The following INTS6 variants were observed in gnomAD, a reference collection of about 807,000 sequenced individuals.
The protein encoded by INTS6 is integrator complex subunit 6.
In INTS6, 16 loss-of-function variants were observed where a neutral mutation model predicts 104.9. The observed-to-expected ratio is 0.15, with a 90% CI of 0.10 to 0.23. The LOEUF (loss-of-function observed/expected upper bound fraction) is 0.23, where lower values mean the gene tolerates loss of function less well. INTS6 is among the 10% of genes least tolerant of loss of function. INTS6 has a pLI of 1.00. For synonymous variants in INTS6, 324 were observed against 358.7 expected, an observed-to-expected ratio of 0.90 and a Z score of 1.09; for missense variants, 584 against 1,062.8, an observed-to-expected ratio of 0.55 and a Z score of 6.26.
chr13:51,417,028 A>G (rs534979857), intron 4 of INTS6, among the ~76,000 whole-genome samples: 8 of 152,288 alleles, frequency 5.3e-5, no homozygotes, highest in Admixed American at 1.3e-4. Flanking sequence ...TCTTCTCTGG[A>G]GAAATGTCTA....
At chr13:51,447,761 A>C (rs1952949626) in intron 3 of INTS6, 1 of 149,860 alleles carries the variant, frequency 6.7e-6, no homozygotes, top group Non-Finnish European at 1.5e-5. Context: ...AAAAAAAGAC[A>C]ATGTTGAAAA....
intron 4 of INTS6, among the ~76,000 whole-genome samples, chr13:51,409,310 ATAATAG>A (rs1389558350): frequency 7.7e-6 from 1 of 130,262 alleles, no homozygotes; most frequent in African/African-American, 2.9e-5. Context: ...AATAATAATA[ATAATAG>A]TATAACTTCA....
chr13:51,426,978 C>T (rs1956996030), intron 4 of INTS6, among the ~76,000 whole-genome samples: 1 of 152,092 alleles, frequency 6.6e-6, no homozygotes, highest in Non-Finnish European at 1.5e-5. Context: ...CTCCCTGGAT[C>T]TCAATTTTCT....
the INTS6 span, among the ~76,000 whole-genome samples, chr13:51,348,984 A>G: frequency 1.3e-5 from 2 of 152,258 alleles, no homozygotes; most frequent in African/African-American, 4.8e-5. Flanking sequence ...AGGTACAAAT[A>G]CAAATCAAAA....
intron 7 of INTS6, chr13:51,384,655 C>T (rs755304903): frequency 1.3e-4 from 60 of 456,502 alleles, no homozygotes; most frequent in Non-Finnish European, 2.5e-4. Context: ...AAAACCTAGC[C>T]GTTATTCTTG....
At chr13:51,449,536 G>A in intron 3 of INTS6, 1 of 984,876 alleles carries the variant, frequency 1.0e-6, no homozygotes, top group Non-Finnish European at 1.2e-6. Context: ...CAAATGCCTT[G>A]ACCACTTATG....
At chr13:51,389,230 C>A in intron 6 of INTS6, 89 bp downstream of exon 6, 1 of 1,443,030 alleles carries the variant, frequency 6.9e-7, no homozygotes. Flanking sequence ...CCTTGCCTAT[C>A]TTAAGGCCAA....
intron 4 of INTS6, among the ~76,000 whole-genome samples, chr13:51,414,329 T>C (rs773260596): frequency 6.6e-6 from 1 of 152,232 alleles, no homozygotes; most frequent in Non-Finnish European, 1.5e-5. Context: ...GCTATTTTTG[T>C]CCCAATAGAG....
At chr13:51,404,906 T>G (rs556583587) in intron 4 of INTS6, among the ~76,000 whole-genome samples, 2 of 150,672 alleles carry the variant, frequency 1.3e-5, no homozygotes, top group Non-Finnish European at 2.9e-5. Flanking sequence ...TCAGGATTTA[T>G]TTAATGAAAG....
Position 51,383,317 on chromosome 13 carries a change from A to T in INTS6, c.1180+12T>A. 2 of 1,594,640 alleles carry T rather than the reference A, an allele frequency of 1.3e-6. No individual in the cohort carries two copies. The highest frequency in any genetic ancestry group is 1.7e-6 in the Non-Finnish European group (2 of 1,170,958). ...ATGCTAAGCCAAGGAGAAAGTGACA[A>T]GAATGACTTACCTAAGAGGGGAAGA... On this transcript the variant is annotated intron_variant, in intron 9 of 17. Transcript: ENST00000311234.
chr13:51,447,524 C>A (rs1257453658), intron 3 of INTS6: 1 of 151,840 alleles, frequency 6.6e-6, no homozygotes, highest in African/African-American at 2.4e-5. Flanking sequence ...AAAAATTAAG[C>A]ACATATTTTA....
chr13:51,367,920 A>G (rs1955724631), intron 16 of INTS6, 22 bp from the exon 17 acceptor site: 1 of 1,320,184 alleles, frequency 7.6e-7, no homozygotes, highest in South Asian at 1.4e-5. Context: ...AGAAACAAAA[A>G]GAAAAATTAA....
chr13:51,356,523 C>T (rs1455418677), intron 3 of INTS6, among the ~76,000 whole-genome samples: 4 of 152,092 alleles, frequency 2.6e-5, no homozygotes, highest in South Asian at 2.1e-4. Context: ...TCTTCTACAT[C>T]GCTGTATTTT....
intron 7 of INTS6, chr13:51,385,249 C>CA (rs1238729851): frequency 6.5e-6 from 1 of 153,270 alleles, no homozygotes; most frequent in African/African-American, 2.4e-5. Flanking sequence ...ACCAGGCTGT[C>CA]AGGCCCACCT....
At chr13:51,371,611 T>G (rs1272178306) in intron 15 of INTS6, among the ~76,000 whole-genome samples, 4 of 152,022 alleles carry the variant, frequency 2.6e-5, no homozygotes, top group Non-Finnish European at 5.9e-5. Context: ...GCTGGAGAAA[T>G]AGGGCCCAGC....
chr13:51,350,768 CCCATAT>C (rs1161904048), downstream of INTS6, among the ~76,000 whole-genome samples: 2 of 152,058 alleles, frequency 1.3e-5, no homozygotes, highest in Non-Finnish European at 2.9e-5. Context: ...AAAAAGAAAC[CCCATAT>C]CCATTAGCAG....
At chr13:51,379,657 C>A in intron 10 of INTS6, 85 bp from the exon 11 acceptor site, 1 of 637,980 alleles carries the variant, frequency 1.6e-6, no homozygotes, top group Non-Finnish European at 2.5e-6. Context: ...AAATTTTCTC[C>A]AAAAAATTAT....
chr13:51,351,408 A>T (rs548796319), downstream of INTS6, among the ~76,000 whole-genome samples: 2 of 152,258 alleles, frequency 1.3e-5, no homozygotes, highest in African/African-American at 4.8e-5. Flanking sequence ...AATGAGGTAG[A>T]GCATCTTTTC....
At chr13:51,419,251 T>C (rs1380206295) in intron 4 of INTS6, among the ~76,000 whole-genome samples, 2 of 152,202 alleles carry the variant, frequency 1.3e-5, no homozygotes, top group African/African-American at 4.8e-5. Context: ...CTTTCTAAAA[T>C]GCAAATCTAA....
Sources: gnomAD v4.1 joint callset for allele counts (sites outside exome capture counted in the v4.1 genomes callset) on GRCh38, gnomAD v4.1.1 for gene constraint, MANE v1.5 for transcripts, NCBI Gene and HGNC (gene_info 2026-07-23, HGNC 2026-07-21) for gene names.